Variants in FHIP1A observed in about 807,000 individuals in gnomAD.
FHIP1A encodes FHF complex subunit HOOK-interacting protein 1A.
FHIP1A carries 61 observed loss-of-function variants against 88.6 expected under a neutral mutation model. That is an observed-to-expected ratio of 0.69 (90% CI 0.56 to 0.85). The LOEUF is 0.85. Among genes scored for constraint, FHIP1A ranks in the 40% least tolerant of loss-of-function variants. FHIP1A has a pLI of 0.00. For missense variants in FHIP1A, 1,154 were observed against 1,273.5 expected, an observed-to-expected ratio of 0.91 and a Z score of 1.43; for synonymous variants, 478 against 496.0, an observed-to-expected ratio of 0.96 and a Z score of 0.48.
chr4:151,535,307 A>C (rs1450901743), intron 3 of FHIP1A, among the ~76,000 whole-genome samples: 1 of 152,216 alleles, frequency 6.6e-6, no homozygotes, highest in East Asian at 1.9e-4. Flanking sequence ...CAGATTGGTT[A>C]AATAAACCCA....
intron 7 of FHIP1A, among the ~76,000 whole-genome samples, chr4:151,623,353 C>T (rs1735819908): frequency 6.6e-6 from 1 of 152,084 alleles, no homozygotes; most frequent in Non-Finnish European, 1.5e-5. Context: ...ACCTCAAAAT[C>T]TTCTGATTCT....
rs1732929916 is a variant in FHIP1A, at chr4:151,417,218, C to T, written c.-356+7753C>T. Among the ~76,000 whole-genome samples, 4 of 152,204 alleles carry T rather than the reference C, an allele frequency of 2.6e-5. 1 individual carries two copies. In the South Asian group the frequency reaches 8.3e-4, roughly 32 times the overall value. ...CAGGCCCGAGCAAGCAGCTCATGGG[C>T]CTGGTTTCAGAATTTTCTGGGGTTT... On this transcript the variant is annotated intron_variant, in intron 1 of 13. Transcript: ENST00000435205.
intron 1 of FHIP1A, among the ~76,000 whole-genome samples, chr4:151,415,875 T>C (rs1732871850): frequency 6.6e-6 from 1 of 152,182 alleles, no homozygotes; most frequent in Non-Finnish European, 1.5e-5. Flanking sequence ...AAGATAGTAA[T>C]TGGTAACAGC....
At chr4:151,411,353 T>A (rs927659219) in intron 1 of FHIP1A, among the ~76,000 whole-genome samples, 23 of 144,790 alleles carry the variant, frequency 1.6e-4, no homozygotes, top group African/African-American at 4.1e-4. Context: ...ATATATATTT[T>A]TTTTTTTTTA....
intron 2 of FHIP1A, among the ~76,000 whole-genome samples, chr4:151,465,224 C>A (rs1371071631): frequency 6.6e-6 from 1 of 151,982 alleles, no homozygotes; most frequent in East Asian, 1.9e-4. Context: ...CAAAAACTAC[C>A]ATCAGAGAAT....
At chr4:151,435,532 C>T (rs2126548193) in intron 1 of FHIP1A, among the ~76,000 whole-genome samples, 1 of 152,280 alleles carries the variant, frequency 6.6e-6, no homozygotes, top group African/African-American at 2.4e-5. Context: ...CACCTGTAAT[C>T]CCAGCACTTT....
intron 7 of FHIP1A, among the ~76,000 whole-genome samples, chr4:151,594,761 G>T (rs978051935): frequency 1.3e-5 from 2 of 152,054 alleles, no homozygotes; most frequent in African/African-American, 4.8e-5. Context: ...TTTTAGTAGA[G>T]ACAGGGTTTC....
intron 8 of FHIP1A, among the ~76,000 whole-genome samples, chr4:151,636,692 A>T (rs2126887844): frequency 6.6e-6 from 1 of 152,204 alleles, no homozygotes; most frequent in East Asian, 1.9e-4. Context: ...ACCTAAATAA[A>T]AGGGAAAACA....
At chr4:151,593,613 G>C (rs922720814) in intron 7 of FHIP1A, among the ~76,000 whole-genome samples, 27 of 152,128 alleles carry the variant, frequency 1.8e-4, no homozygotes, top group Admixed American at 8.5e-4. Context: ...CATTAATTTT[G>C]TATTCTGAGA....
chr4:151,583,473 C>T (rs1272144165), intron 5 of FHIP1A, among the ~76,000 whole-genome samples: 3 of 152,216 alleles, frequency 2.0e-5, no homozygotes, highest in African/African-American at 4.8e-5. Flanking sequence ...CATGCCCTTT[C>T]ACAATATTCA....
At chr4:151,532,394 C>T (rs1381303767) in intron 3 of FHIP1A, among the ~76,000 whole-genome samples, 1 of 152,228 alleles carries the variant, frequency 6.6e-6, no homozygotes, top group Admixed American at 6.5e-5. Context: ...AACACACACT[C>T]TGTTGTGCAG....
At chr4:151,423,440 G>T (rs1305224560) in intron 1 of FHIP1A, among the ~76,000 whole-genome samples, 1 of 152,106 alleles carries the variant, frequency 6.6e-6, no homozygotes, top group East Asian at 1.9e-4. Flanking sequence ...GTTTAACATT[G>T]TGTGAGGCTG....
chr4:151,472,745 A>G (rs1729568693), intron 2 of FHIP1A, among the ~76,000 whole-genome samples: 1 of 151,848 alleles, frequency 6.6e-6, no homozygotes, highest in Non-Finnish European at 1.5e-5. Context: ...TCCTTCCAAC[A>G]TTCAAAAGGC....
intron 3 of FHIP1A, chr4:151,534,843 C>G (rs1344287755): frequency 2.0e-5 from 3 of 152,158 alleles, no homozygotes; most frequent in Non-Finnish European, 2.9e-5. Context: ...TCAGATATTC[C>G]TACTCTTTGA....
rs1182960681 is a variant in FHIP1A, at chr4:151,629,776, A to T, written c.1053A>T (p.Leu351=). ...TGCGTAGCATCTCCGAGCCAGCACTACTTGAGATCTTCCTCCGTTTTATCC... is the reference window on the plus strand; with the variant it reads ...TGCGTAGCATCTCCGAGCCAGCACTTCTTGAGATCTTCCTCCGTTTTATCC... ...LFLRSISEPA[L]LEIFLRFILL... The change falls in exon 8 of 14, where the codon CTA becomes CTT. Residue 351 remains leucine, a synonymous_variant. Coordinates refer to ENST00000435205, the MANE Select transcript of FHIP1A (RefSeq NM_001109977.3). 2 of 1,551,312 alleles carry T rather than the reference A, an allele frequency of 1.3e-6. No individual in the cohort carries two copies. Among genetic ancestry groups the T allele is most frequent in the Non-Finnish European group, 1.7e-6 (2 of 1,146,786 alleles).
intron 3 of FHIP1A, among the ~76,000 whole-genome samples, chr4:151,529,930 A>G (rs1731810302): frequency 6.6e-6 from 1 of 152,160 alleles, no homozygotes; most frequent in Non-Finnish European, 1.5e-5. Flanking sequence ...TTGAAACTTC[A>G]CGAACAGTAC....
intron 9 of FHIP1A, among the ~76,000 whole-genome samples, chr4:151,639,941 C>T (rs1348098895): frequency 6.6e-6 from 1 of 152,152 alleles, no homozygotes; most frequent in African/African-American, 2.4e-5. Flanking sequence ...CCCTAGTCCA[C>T]ATTGGGGTTT....
intron 3 of FHIP1A, among the ~76,000 whole-genome samples, chr4:151,554,138 A>G (rs942687836): frequency 6.6e-6 from 1 of 152,088 alleles, no homozygotes; most frequent in Non-Finnish European, 1.5e-5. Context: ...CAGTTTCTTC[A>G]TCTGTAAATG....
intron 7 of FHIP1A, among the ~76,000 whole-genome samples, chr4:151,607,083 TCA>T (rs1202880236): frequency 6.6e-6 from 1 of 152,166 alleles, no homozygotes; most frequent in East Asian, 1.9e-4. Context: ...TGGTACCATC[TCA>T]CACTTACACC....
Sources: gnomAD v4.1 joint callset for allele counts (sites outside exome capture counted in the v4.1 genomes callset) on GRCh38, gnomAD v4.1.1 for gene constraint, MANE v1.5 for transcripts, NCBI Gene and HGNC (gene_info 2026-07-23, HGNC 2026-07-21) for gene names.